Variants in RBFOX3 observed in about 807,000 individuals in gnomAD.
The protein encoded by RBFOX3 is RNA binding fox-1 homolog 3, also known as RNA binding protein fox-1 homolog 3.
In RBFOX3, 17 loss-of-function variants were observed where a neutral mutation model predicts 48.7. The observed-to-expected ratio is 0.35, with a 90% confidence interval of 0.24 to 0.52. RBFOX3 has a LOEUF of 0.52. Ranked by LOEUF, RBFOX3 falls within the 20% of genes least tolerant of loss-of-function variation. The pLI is 0.94. For synonymous variants in RBFOX3, 212 were observed against 209.5 expected, an observed-to-expected ratio of 1.01 and a Z score of -0.10; for missense variants, 382 against 497.5, an observed-to-expected ratio of 0.77 and a Z score of 2.21.
chr17:79,606,273 C>A (rs2093828086), intron 1 of RBFOX3, among the ~76,000 whole-genome samples: 1 of 152,196 alleles, frequency 6.6e-6, no homozygotes, highest in Non-Finnish European at 1.5e-5. Flanking sequence ...AAGAGGTGGC[C>A]TTTGCTTTGG....
At chr17:79,142,070 C>T (rs1348060066) in intron 4 of RBFOX3, among the ~76,000 whole-genome samples, 2 of 152,228 alleles carry the variant, frequency 1.3e-5, no homozygotes, top group South Asian at 2.1e-4. Context: ...TATCCTTTTA[C>T]GATGCTTTGA....
rs964476306 is a variant in RBFOX3 at position 79,199,674 on chromosome 17, G to A, written c.-34+36092C>T. On this transcript the variant is annotated intron_variant, in intron 4 of 14. Transcript: ENST00000693108. The surrounding 1 kb of genome is among the most constrained non-coding windows in gnomAD (Gnocchi z 5.1). ...AAAAGTGAGGCTCAGTCCCTTTGTT[G>A]CATGAGCTTCATTTCCAAGAGTCAC... Among the ~76,000 whole-genome samples, 1 of 152,198 alleles carries A rather than the reference G, an allele frequency of 6.6e-6. No homozygotes were observed. Among genetic ancestry groups the A allele is most frequent in the Non-Finnish European group, 1.5e-5 (1 of 68,034 alleles).
At chr17:79,593,711 T>G (rs1372533573) in intron 1 of RBFOX3, among the ~76,000 whole-genome samples, 2 of 152,256 alleles carry the variant, frequency 1.3e-5, no homozygotes, top group African/African-American at 2.4e-5. Context: ...GTCTTGATTT[T>G]GAAAACGACA....
chr17:79,148,771 G>A (rs554745797), intron 4 of RBFOX3, among the ~76,000 whole-genome samples: 1 of 152,196 alleles, frequency 6.6e-6, no homozygotes, highest in Admixed American at 6.5e-5. Context: ...GAGGGAGGCC[G>A]ACCCCGCCGG....
At chr17:79,117,007 C>G (rs973482485) in intron 4 of RBFOX3, among the ~76,000 whole-genome samples, 1 of 152,192 alleles carries the variant, frequency 6.6e-6, no homozygotes, top group Non-Finnish European at 1.5e-5. Context: ...TGGTGGGGAG[C>G]CCTTATGATC....
intron 1 of RBFOX3, among the ~76,000 whole-genome samples, chr17:79,554,137 A>C (rs1319662883): frequency 6.6e-6 from 1 of 152,176 alleles, no homozygotes; most frequent in African/African-American, 2.4e-5. Flanking sequence ...TTTGTGGCCC[A>C]TTATTATTAT....
At position 79,299,633 on chromosome 17, in the gene RBFOX3, C is replaced by A. The variant is rs1051419124; in HGVS notation, c.-74+8091G>T. On this transcript the variant is annotated intron_variant, in intron 3 of 14. Transcript: ENST00000693108. This position sits in a 1 kb window ranked among gnomAD's most constrained non-coding sequence, Gnocchi z 4.5. ...ATCGTGGGGTTTTTGGAACTAACCC[C>A]CTGAGGATACCAACGGACAACTGTG... Among the ~76,000 whole-genome samples, 1 of 152,186 alleles carries A rather than the reference C, an allele frequency of 6.6e-6. No homozygotes were observed. Among genetic ancestry groups the A allele is most frequent in the Non-Finnish European group, 1.5e-5 (1 of 68,016 alleles).
At chr17:79,247,850 C>T (rs73416005) in intron 3 of RBFOX3, among the ~76,000 whole-genome samples, 2 of 152,128 alleles carry the variant, frequency 1.3e-5, no homozygotes, top group Admixed American at 6.5e-5. Context: ...TACTCAACAT[C>T]GAAGTGCCTC....
At chr17:79,630,655 A>G in the RBFOX3 span, among the ~76,000 whole-genome samples, 1 of 152,124 alleles carries the variant, frequency 6.6e-6, no homozygotes, top group African/African-American at 2.4e-5. Flanking sequence ...TTATTTGAAC[A>G]CAAGTTCTGG....
chr17:79,550,480 C>G (rs879199252), intron 1 of RBFOX3, among the ~76,000 whole-genome samples: 125,247 of 152,176 alleles, frequency 0.82, 53,649 homozygotes, highest in Non-Finnish European at 0.94. Flanking sequence ...GTACCCAAGC[C>G]TGGGATGGAG....
chr17:79,534,268 G>A (rs782151660), intron 1 of RBFOX3, among the ~76,000 whole-genome samples: 7 of 152,158 alleles, frequency 4.6e-5, no homozygotes, highest in Non-Finnish European at 2.9e-5. Flanking sequence ...AGGAGGAGCC[G>A]GCATCACCGT....
At chr17:79,365,879 C>T (rs143474755) in intron 2 of RBFOX3, among the ~76,000 whole-genome samples, 38 of 152,354 alleles carry the variant, frequency 2.5e-4, no homozygotes, top group African/African-American at 8.2e-4. Context: ...AGCGGCCACA[C>T]CTCTGGGTGC....
chr17:79,388,035 C>T (rs2060815572), intron 2 of RBFOX3, among the ~76,000 whole-genome samples: 1 of 150,276 alleles, frequency 6.7e-6, no homozygotes, highest in Non-Finnish European at 1.5e-5. Flanking sequence ...TGGATATGAA[C>T]TTGTGTGCAT....
At position 79,195,951 on chromosome 17, in the gene RBFOX3, T is replaced by G. The variant is rs886736424; in HGVS notation, c.-34+39815A>C. 4.6e-5 allele frequency among the ~76,000 whole-genome samples: 7 copies of G among 152,128 alleles called. No individual in the cohort carries two copies. The highest frequency in any genetic ancestry group is 4.6e-4 in the Admixed American group (7 of 15,272). The stretch of plus-strand genomic sequence containing the variant: ...CAGTGAAACTGGGCATGGCGATAAT[T>G]ATCATCATCAGAACACCCTGGACAA... On this transcript the variant is annotated intron_variant, in intron 4 of 14. Coordinates refer to ENST00000693108, the MANE Select transcript of RBFOX3 (RefSeq NM_001350451.2). The surrounding 1 kb of genome is among the most constrained non-coding windows in gnomAD (Gnocchi z 5.3).
chr17:79,566,395 C>G (rs948707354), intron 1 of RBFOX3, among the ~76,000 whole-genome samples: 277 of 152,288 alleles, frequency 1.8e-3, no homozygotes, highest in African/African-American at 6.5e-3. Flanking sequence ...CACCATGGTC[C>G]TGCAGCTCCA....
chr17:79,160,477 G>T (rs1020056829), intron 4 of RBFOX3, among the ~76,000 whole-genome samples: 1 of 152,192 alleles, frequency 6.6e-6, no homozygotes, highest in African/African-American at 2.4e-5. Flanking sequence ...GCAGTCCCCC[G>T]TATGTGGGGC....
chr17:79,436,689 T>C (rs2069533915), intron 2 of RBFOX3, among the ~76,000 whole-genome samples: 1 of 152,136 alleles, frequency 6.6e-6, no homozygotes, highest in Non-Finnish European at 1.5e-5. Flanking sequence ...CGCCTGCTTA[T>C]GTTTTAAAGG....
rs1052351083 is a variant in RBFOX3 at position 79,172,310 on chromosome 17, T to C, written c.-33-56562A>G. On this transcript the variant is annotated intron_variant, in intron 4 of 14. Transcript: ENST00000693108. ...TTTCAACACAAAAAGTAAACATCTT[T>C]ATGAAAACCATGACTACATTATTCT... is the stretch of plus-strand genomic sequence containing the variant. 2.6e-5 allele frequency among the ~76,000 whole-genome samples: 4 copies of C among 152,220 alleles called. 1 individual carries two copies. Among genetic ancestry groups the C allele is most frequent in the African/African-American group, 4.8e-5 (2 of 41,454 alleles).
chr17:79,134,097 C>T (rs751973838), intron 4 of RBFOX3, among the ~76,000 whole-genome samples: 43 of 152,228 alleles, frequency 2.8e-4, no homozygotes, highest in South Asian at 6.2e-4. Flanking sequence ...GGACCCCACC[C>T]TTGCACTCTG....
Sources: gnomAD v4.1 joint callset for allele counts (sites outside exome capture counted in the v4.1 genomes callset) on GRCh38, gnomAD v4.1.1 for gene constraint, Gnocchi (gnomAD v3.1) non-coding constraint, MANE v1.5 for transcripts, NCBI Gene and HGNC (gene_info 2026-07-23, HGNC 2026-07-21) for gene names.